Variants in ZC3H8 observed in about 807,000 individuals in gnomAD.
ZC3H8 encodes the protein zinc finger CCCH domain-containing protein 8.
A neutral mutation model predicts 42.5 loss-of-function variants in ZC3H8; 27 were observed. The ratio of observed to expected loss-of-function variants is 0.64; its 90% confidence interval spans 0.47 to 0.88. The LOEUF (loss-of-function observed/expected upper bound fraction) is 0.88. Ranked by LOEUF, ZC3H8 falls within the 40% of genes least tolerant of loss-of-function variation. The probability of loss-of-function intolerance (pLI) is 0.00; values close to 1 mark genes in which losing one functional copy is unlikely to be tolerated. For synonymous variants in ZC3H8, 101 were observed against 110.1 expected, an observed-to-expected ratio of 0.92 and a Z score of 0.52; for missense variants, 277 against 336.1, an observed-to-expected ratio of 0.82 and a Z score of 1.37.
chr2:112,234,607 C>T (rs1685235790), intron 4 of ZC3H8, among the ~76,000 whole-genome samples: 1 of 152,140 alleles, frequency 6.6e-6, no homozygotes, highest in Non-Finnish European at 1.5e-5. Context: ...TCAAGACCAG[C>T]CTGGCCAACA....
intron 4 of ZC3H8, 71 bp from the exon 5 acceptor site, chr2:112,234,307 A>T: frequency 7.9e-7 from 1 of 1,259,090 alleles, no homozygotes; most frequent in Non-Finnish European, 1.1e-6. Context: ...GTTGCACAAA[A>T]TTATTTAAAC....
intron 8 of ZC3H8, among the ~76,000 whole-genome samples, chr2:112,225,609 G>C (rs1471617805): frequency 6.6e-6 from 1 of 152,256 alleles, no homozygotes; most frequent in Non-Finnish European, 1.5e-5. Context: ...TTGAGGTCAG[G>C]AGTTCGAGAC....
Position 112,238,454 on chromosome 2 carries a change from AC to A in ZC3H8, c.230del (p.Ser77MetfsTer42). On this transcript the variant is annotated frameshift_variant, in exon 3 of 9. Coordinates refer to ENST00000409573, the MANE Select transcript of ZC3H8 (RefSeq NM_032494.3). LOFTEE classifies it high-confidence loss of function. ...KSRSKDYDVY[S>X]DNDICSQESE... is the part of the protein sequence containing the mutation. ...ATTCCTGACTGCAGATATCATTATC[AC>A]TATATACATCATAGTCCTTACTTCT... The A allele has an allele frequency of 6.2e-7, 1 of 1,613,464 alleles. No homozygotes were observed. Among genetic ancestry groups the A allele is most frequent in the Non-Finnish European group, 8.5e-7 (1 of 1,179,884 alleles).
chr2:112,240,203 C>T (rs985316593), intron 2 of ZC3H8, among the ~76,000 whole-genome samples: 6 of 152,210 alleles, frequency 3.9e-5, no homozygotes, highest in African/African-American at 1.4e-4. Context: ...TTCAGCTTCA[C>T]CACCTGTTTC....
chr2:112,253,964 A>T (rs771395213), intron 1 of ZC3H8: 14 of 220,048 alleles, frequency 6.4e-5, no homozygotes, highest in Non-Finnish European at 9.2e-5. Context: ...TAGCTCTTCC[A>T]CTTACACTGT....
At chr2:112,221,088 G>A (rs1034803753) in intron 8 of ZC3H8, among the ~76,000 whole-genome samples, 7 of 152,140 alleles carry the variant, frequency 4.6e-5, no homozygotes, top group Admixed American at 3.3e-4. Context: ...TTTCAGGGAC[G>A]GAAATGAGTC....
Position 112,254,942 on chromosome 2 carries a change from C to A in ZC3H8, c.40G>T (p.Ala14Ser). 6.2e-7 allele frequency: 1 copy of A among 1,613,312 alleles called. No homozygotes were observed. Among genetic ancestry groups the A allele is most frequent in the South Asian group, 1.1e-5 (1 of 90,960 alleles). Residue 14 changes from alanine (A) to serine (S), a missense_variant, in exon 1 of 9, where the codon GCC (alanine) becomes TCC (serine). By Grantham distance (99) the Ala-to-Ser change is moderately conservative (BLOSUM62 1). Coordinates refer to ENST00000409573, the MANE Select transcript of ZC3H8 (RefSeq NM_032494.3). ...GAGTCCGTGGCCGTTTTGCCGAGGGCCGGGTTGGGGGGTTTTGAGAAAAGA... is the reference window on the plus strand; with the variant it reads ...GAGTCCGTGGCCGTTTTGCCGAGGGACGGGTTGGGGGGTTTTGAGAAAAGA... ...ENLFSKPPNP[A>S]LGKTATDSDE...
At position 112,254,624 on chromosome 2, in the gene ZC3H8, G is replaced by A. The variant is rs555795188; in HGVS notation, c.74+284C>T. 2.0e-5 allele frequency among the ~76,000 whole-genome samples: 3 copies of A among 152,340 alleles called. No individual in the cohort carries two copies. The South Asian group carries it at 6.2e-4, about 32-fold the overall frequency. ...CCCGCTGCTGTGCAGAGAAAGGGGCGCATCCCGGAGCCTTCTCGCCTCCAC... is the reference window on the plus strand; with the variant it reads ...CCCGCTGCTGTGCAGAGAAAGGGGCACATCCCGGAGCCTTCTCGCCTCCAC... On this transcript the variant is annotated intron_variant, in intron 1 of 8. Transcript: ENST00000409573.
intron 2 of ZC3H8, among the ~76,000 whole-genome samples, chr2:112,243,355 C>T (rs1052324455): frequency 2.6e-5 from 4 of 152,112 alleles, no homozygotes; most frequent in African/African-American, 7.2e-5. Context: ...AGAGAAGAAT[C>T]GAACAAAGTT....
rs1267835111 is a variant in ZC3H8 at position 112,218,909 on chromosome 2, C to T, written c.*16-2441G>A. ...AATTAATTTAATCAAGGAGGTGAGA[C>T]TTGTGTAACAGAAACTATAAAACAC... is the stretch of plus-strand genomic sequence containing the variant. On this transcript the variant is annotated intron_variant, in intron 8 of 8. Coordinates refer to ENST00000409573, the MANE Select transcript of ZC3H8 (RefSeq NM_032494.3). Among the ~76,000 whole-genome samples the T allele has an allele frequency of 2.0e-5, 3 of 152,102 alleles. No homozygotes were observed. In the South Asian group the frequency reaches 6.2e-4, roughly 32 times the overall value.
At chr2:112,229,217 T>C (rs1230295631) in intron 8 of ZC3H8, among the ~76,000 whole-genome samples, 1 of 152,152 alleles carries the variant, frequency 6.6e-6, no homozygotes, top group Non-Finnish European at 1.5e-5. Flanking sequence ...AATTAAATAA[T>C]GCTTGGGAGA....
At position 112,234,297 on chromosome 2, in the gene ZC3H8, G is replaced by C. The variant is rs942298030; in HGVS notation, c.505-61C>G. 1.5e-5 allele frequency: 20 copies of C among 1,307,182 alleles called. No homozygotes were observed. In the African/African-American group the frequency reaches 2.9e-4, roughly 19 times the overall value. The allele number at this position is 1,307,182 out of a possible 1,614,324, so 81.0% of individuals were successfully genotyped here. On this transcript the variant is annotated intron_variant, in intron 4 of 8. Transcript: ENST00000409573. Reference sequence around the variant, plus strand: ...AACAGAAAATTAAATATTTTATTCTGTTGCACAAAATTATTTAAACCAACT... The same window carrying C: ...AACAGAAAATTAAATATTTTATTCTCTTGCACAAAATTATTTAAACCAACT...
At chr2:112,253,809 A>G (rs1414572058) in intron 1 of ZC3H8, among the ~76,000 whole-genome samples, 1 of 152,224 alleles carries the variant, frequency 6.6e-6, no homozygotes, top group African/African-American at 2.4e-5. Flanking sequence ...TAACATATCA[A>G]TTAGTACCAG....
intron 2 of ZC3H8, 80 bp from the exon 3 acceptor site, chr2:112,238,608 G>C (rs1442130177): frequency 1.7e-6 from 2 of 1,176,554 alleles, no homozygotes; most frequent in Admixed American, 2.4e-5. Flanking sequence ...AACAAGATTG[G>C]CTATAAACTG....
intron 4 of ZC3H8, 34 bp downstream of exon 4, chr2:112,236,528 G>T: frequency 1.2e-6 from 2 of 1,606,018 alleles, no homozygotes; most frequent in Non-Finnish European, 1.7e-6. Flanking sequence ...AGCATGCAGG[G>T]GTCAGGTATT....
chr2:112,224,578 T>C (rs1187063756), intron 8 of ZC3H8, among the ~76,000 whole-genome samples: 1 of 152,208 alleles, frequency 6.6e-6, no homozygotes, highest in Non-Finnish European at 1.5e-5. Context: ...GCTTTATTTA[T>C]AATACTCAAA....
intron 2 of ZC3H8, among the ~76,000 whole-genome samples, chr2:112,247,639 T>C (rs1685805947): frequency 6.6e-6 from 1 of 152,204 alleles, no homozygotes; most frequent in South Asian, 2.1e-4. Flanking sequence ...GTATTCACCT[T>C]TTACATACTT....
At chr2:112,222,421 G>A (rs2104643970) in intron 8 of ZC3H8, among the ~76,000 whole-genome samples, 1 of 152,262 alleles carries the variant, frequency 6.6e-6, no homozygotes, top group Admixed American at 6.5e-5. Context: ...CCTGCTGTCT[G>A]GGTGTTTCCA....
rs374276862 is a variant in ZC3H8 at position 112,254,902 on chromosome 2, G to C, written c.74+6C>G. 2 of 1,613,116 alleles carry C rather than the reference G, an allele frequency of 1.2e-6. No individual in the cohort carries two copies. On this transcript the variant is annotated splice_donor_region_variant and intron_variant, in intron 1 of 8. Transcript: ENST00000409573. ...GCATTCAAAAGATGAAAAGATATGGGATCACCTTTCGTCAGAGTCCGTGGC... is the reference window on the plus strand; with the variant it reads ...GCATTCAAAAGATGAAAAGATATGGCATCACCTTTCGTCAGAGTCCGTGGC...
Sources: allele counts gnomAD v4.1 joint callset (sites outside exome capture counted in the v4.1 genomes callset), GRCh38; gene constraint gnomAD v4.1.1; transcripts MANE v1.5; gene names NCBI Gene and HGNC (gene_info 2026-07-23, HGNC 2026-07-21).